ZNF862: variants seen among roughly 807,000 people sequenced by gnomAD.
The protein encoded by ZNF862 is zinc finger protein 862.
Under a neutral mutation model 91.1 loss-of-function variants are expected in ZNF862, and 64 were observed. The ratio of observed to expected loss-of-function variants is 0.70; its 90% CI spans 0.57 to 0.87. ZNF862 has a LOEUF of 0.87. ZNF862 is among the 40% of genes least tolerant of loss of function. The probability of loss-of-function intolerance (pLI) is 0.00; values close to 1 mark genes in which losing one functional copy is unlikely to be tolerated. For synonymous variants in ZNF862, 631 were observed against 618.1 expected (o/e 1.02, Z -0.31); for missense variants, 1,459 against 1,528.0 (o/e 0.95, Z 0.75).
Position 149,847,875 on chromosome 7 carries a change from G to A in ZNF862, c.382G>A (p.Gly128Arg), listed in dbSNP as rs769296624. 19 of 1,609,316 alleles carry A rather than the reference G, an allele frequency of 1.2e-5. No individual in the cohort carries two copies. The highest frequency in any genetic ancestry group is 4.4e-5 in the South Asian group (4 of 90,290). Residue 128 changes from glycine to arginine, a missense_variant, in exon 4 of 8, where the codon GGA becomes AGA. Coordinates refer to ENST00000223210, the MANE Select transcript of ZNF862 (RefSeq NM_001099220.3). ...TGGACACATCGAGGGAGACTGGGCCGGAAGAAACAGGAAACTTCTGAAGCC... is the reference window on the plus strand; with the variant it reads ...TGGACACATCGAGGGAGACTGGGCCAGAAGAAACAGGAAACTTCTGAAGCC... ...GSGHIEGDWA[G>R]RNRKLLKPRS...
chr7:149,844,780 G>A (rs1376618939), intron 2 of ZNF862, 44 bp downstream of exon 2: 26 of 1,326,414 alleles, frequency 2.0e-5, no homozygotes, highest in East Asian at 1.5e-4. Flanking sequence ...AATTTAGATC[G>A]GCATTCCCAA....
intron 7 of ZNF862, among the ~76,000 whole-genome samples, chr7:149,863,345 C>T (rs1046426382): frequency 6.7e-6 from 1 of 149,300 alleles, no homozygotes; most frequent in African/African-American, 2.6e-5. Flanking sequence ...TCCCAGTGCT[C>T]TCTCTCCTCG....
chr7:149,841,778 ATACTCC>A, intron 1 of ZNF862: 3 of 984,000 alleles, frequency 3.0e-6, no homozygotes, highest in South Asian at 9.4e-5. Context: ...CAAGTGACTG[ATACTCC>A]TTTCTCATTT....
In ZNF862 at chr7:149,850,308, C is replaced by T. The variant is rs756139542; in HGVS notation, c.1087C>T (p.Arg363Trp). 10 of 1,612,872 alleles carry T rather than the reference C, an allele frequency of 6.2e-6. No homozygotes were observed. The highest frequency in any genetic ancestry group is 3.3e-5 in the Admixed American group (2 of 59,948). The change falls in exon 5 of 8, where the codon CGG becomes TGG. Residue 363 changes from arginine to tryptophan, a missense_variant. By Grantham distance (101) the Arg-to-Trp change is moderately radical. Coordinates refer to ENST00000223210, the MANE Select transcript of ZNF862 (RefSeq NM_001099220.3). This position sits in a 1 kb window ranked among gnomAD's most constrained non-coding sequence, Gnocchi z 4.2. ...GAAGGAGCTGTACAGAGACGTGATG[C>T]GGATGAACTACGAGCTGTTGGCATC... is the stretch of plus-strand genomic sequence containing the variant. ...RQKELYRDVM[R>W]MNYELLASLG...
chr7:149,847,713 C>G, intron 3 of ZNF862, 22 bp from the exon 4 acceptor site: 1 of 1,573,932 alleles, frequency 6.4e-7, no homozygotes. Flanking sequence ...TAAAGCCAAT[C>G]CCTTCTGTCT....
Position 149,846,089 on chromosome 7 carries a change from G to A in ZNF862, c.137-62G>A, listed in dbSNP as rs958815458. The A allele has an allele frequency of 4.5e-5, 56 of 1,245,616 alleles. No homozygotes were observed. The Admixed American group carries it at 6.4e-4, about 14-fold the overall frequency. 77.2% of individuals were successfully genotyped at this position (1,245,616 alleles called of 1,614,324 possible). ...AGATACCTCCTTCGTGTTGTGACCC[G>A]GAGCCAGGTCTTCATAGTGCTTTTC... On this transcript the variant is annotated intron_variant, in intron 2 of 7. Coordinates refer to ENST00000223210, the MANE Select transcript of ZNF862 (RefSeq NM_001099220.3).
chr7:149,841,754 C>T (rs1484946646), intron 1 of ZNF862: 2 of 985,150 alleles, frequency 2.0e-6, no homozygotes, highest in Admixed American at 6.2e-5. Context: ...TTGGCCCTCT[C>T]TATCTTTCCT....
In ZNF862 at chr7:149,850,569, AC is replaced by A; in HGVS notation, c.1117+233del. ...CGTCCCCCACCAAACATTTTGGAGT[AC>A]CTACTATGTGCCAGATGAACACAGC... On this transcript the variant is annotated intron_variant, in intron 5 of 7. Transcript: ENST00000223210. This position sits in a 1 kb window ranked among gnomAD's most constrained non-coding sequence, Gnocchi z 4.2. 1.9e-6 allele frequency: 1 copy of A among 513,340 alleles called. No individual in the cohort carries two copies. The highest frequency in any genetic ancestry group is 3.3e-5 in the East Asian group (1 of 30,072). The allele number at this position is 513,340 out of a possible 1,614,324, so 31.8% of individuals were successfully genotyped here. A position where few individuals can be genotyped will look rare whatever the true frequency, so the allele number is the denominator to read the frequency against.
intron 1 of ZNF862, among the ~76,000 whole-genome samples, chr7:149,842,242 G>T (rs1056244308): frequency 3.3e-5 from 5 of 152,188 alleles, no homozygotes; most frequent in Non-Finnish European, 5.9e-5. Flanking sequence ...GATAGGCTGG[G>T]TGATTAAAAT....
Position 149,860,748 on chromosome 7 carries a change from A to G in ZNF862, c.1588A>G (p.Asn530Asp), listed in dbSNP as rs1385504635. 6.2e-7 allele frequency: 1 copy of G among 1,613,874 alleles called. No individual in the cohort carries two copies. The highest frequency in any genetic ancestry group is 1.3e-5 in the African/African-American group (1 of 75,036). Residue 530 changes from asparagine to aspartate, a missense_variant, in exon 7 of 8, where the codon AAC becomes GAC. By Grantham distance (23) the Asn-to-Asp change is conservative (BLOSUM62 1). Coordinates refer to ENST00000223210, the MANE Select transcript of ZNF862 (RefSeq NM_001099220.3). ...EVSKAHRLCV[N>D]TVEIKEDTPH... ...CAGCAAAGCGCACAGGCTCTGTGTC[A>G]ACACGGTTGAAATCAAGGAAGACAC...
chr7:149,867,172 T>G lies in ZNF862; in HGVS notation c.*2888T>G, dbSNP rs558247876. On this transcript the variant is annotated 3_prime_UTR_variant, in exon 8 of 8. Transcript: ENST00000223210. ...ACTGGTAGTTTGATCCCAATAGCCATAGCGACTCCAGGTGGGAGTGAGGGA... is the reference window on the plus strand; with the variant it reads ...ACTGGTAGTTTGATCCCAATAGCCAGAGCGACTCCAGGTGGGAGTGAGGGA... 3 of 152,312 alleles carry G rather than the reference T, an allele frequency of 2.0e-5. No homozygotes were observed. In the South Asian group the frequency reaches 6.2e-4, roughly 32 times the overall value. 9.4% of individuals were successfully genotyped at this position (152,312 alleles called of 1,614,324 possible).
intron 1 of ZNF862, chr7:149,841,682 A>T (rs1801710040): frequency 2.0e-6 from 2 of 985,280 alleles, no homozygotes; most frequent in African/African-American, 3.5e-5. Context: ...TGGTGCCCCG[A>T]AAGAGAAGTC....
chr7:149,858,376 G>A (rs1249869545), intron 5 of ZNF862: 1 of 152,032 alleles, frequency 6.6e-6, no homozygotes, highest in Non-Finnish European at 1.5e-5. Context: ...AAGGATATAT[G>A]TTCAATTTAA....
chr7:149,844,935 A>C, intron 2 of ZNF862, 199 bp downstream of exon 2: 1 of 526,976 alleles, frequency 1.9e-6, no homozygotes. Flanking sequence ...CTCCCCTTAA[A>C]ATGGTCAAGA....
At chr7:149,860,085 T>G in intron 6 of ZNF862, 1 of 419,280 alleles carries the variant, frequency 2.4e-6, no homozygotes, top group African/African-American at 2.0e-5. Context: ...AGGGGGTTAA[T>G]TGAACTTATT....
chr7:149,861,807 C>A lies in ZNF862; in HGVS notation c.2647C>A (p.Arg883Ser), dbSNP rs1025801038. The A allele has an allele frequency of 2.5e-6, 4 of 1,613,604 alleles. No individual in the cohort carries two copies. The highest frequency in any genetic ancestry group is 3.3e-4 in the Middle Eastern group (2 of 6,062). ...GRAYVALESL[R>S]HQAGPKEEEF... ...CGCCTACGTGGCACTGGAGAGCCTC[C>A]GTCACCAGGCAGGGCCCAAAGAGGA... is the stretch of plus-strand genomic sequence containing the variant. Residue 883 changes from arginine (R) to serine (S), a missense_variant, in exon 7 of 8, where the codon CGT (arginine) becomes AGT (serine). Arg to Ser is a moderately radical substitution (Grantham distance 110). Transcript: ENST00000223210. The surrounding 1 kb of genome is among the most constrained non-coding windows in gnomAD (Gnocchi z 6.7).
chr7:149,863,291 T>C (rs1802584035), intron 7 of ZNF862, among the ~76,000 whole-genome samples: 1 of 146,098 alleles, frequency 6.8e-6, no homozygotes, highest in Middle Eastern at 3.5e-3. Context: ...AGCAGTGCTC[T>C]CTCTCCTCGC....
Position 149,866,386 on chromosome 7 carries a change from T to C in ZNF862, c.*2102T>C, listed in dbSNP as rs975731297. Reference sequence around the variant, plus strand: ...GGAAAGGGAGGGAGAAAGGCTTTTTTAGGTGGGGCTATAGCCTCTGCCCTA... The same window carrying C: ...GGAAAGGGAGGGAGAAAGGCTTTTTCAGGTGGGGCTATAGCCTCTGCCCTA... On this transcript the variant is annotated 3_prime_UTR_variant, in exon 8 of 8. Coordinates refer to ENST00000223210, the MANE Select transcript of ZNF862 (RefSeq NM_001099220.3). 6.6e-6 allele frequency: 1 copy of C among 152,244 alleles called. No homozygotes were observed. Among genetic ancestry groups the C allele is most frequent in the African/African-American group, 2.4e-5 (1 of 41,450 alleles). The allele number at this position is 152,244 out of a possible 1,614,324, so 9.4% of individuals were successfully genotyped here. A position where few individuals can be genotyped will look rare whatever the true frequency, so the allele number is the denominator to read the frequency against.
At chr7:149,839,973 C>T (rs899976114) in intron 1 of ZNF862, among the ~76,000 whole-genome samples, 3 of 152,070 alleles carry the variant, frequency 2.0e-5, no homozygotes, top group African/African-American at 7.2e-5. Context: ...TCTGTTCAGT[C>T]AGAGGCTTTC....
Sources: gnomAD v4.1 joint callset for allele counts (sites outside exome capture counted in the v4.1 genomes callset) on GRCh38, gnomAD v4.1.1 for gene constraint, Gnocchi (gnomAD v3.1) non-coding constraint, MANE v1.5 for transcripts, NCBI Gene and HGNC (gene_info 2026-07-23, HGNC 2026-07-21) for gene names.